AGBL4: variants seen among roughly 807,000 people sequenced by gnomAD.
The protein encoded by AGBL4 is cytosolic carboxypeptidase 6.
In AGBL4, 58 loss-of-function variants were observed where a neutral mutation model predicts 66.4. The ratio of observed to expected loss-of-function variants is 0.87; its 90% CI spans 0.71 to 1.09. The LOEUF (loss-of-function observed/expected upper bound fraction) is 1.09, where lower values mean the gene tolerates loss of function less well. Among genes scored for constraint, AGBL4 ranks in the 50% least tolerant of loss-of-function variants. AGBL4 has a pLI of 0.00. For missense variants in AGBL4, 579 were observed against 631.0 expected, an observed-to-expected ratio of 0.92 and a Z score of 0.88; for synonymous variants, 234 against 222.9, an observed-to-expected ratio of 1.05 and a Z score of -0.44.
intron 1 of AGBL4, among the ~76,000 whole-genome samples, chr1:49,931,658 C>G (rs1370095237): frequency 1.3e-5 from 2 of 152,118 alleles, no homozygotes; most frequent in Admixed American, 6.6e-5. Context: ...GGTGAGGAAA[C>G]AGAGCTAAAC....
chr1:49,717,618 C>T (rs1017602949), intron 2 of AGBL4, among the ~76,000 whole-genome samples: 1 of 151,978 alleles, frequency 6.6e-6, no homozygotes, highest in African/African-American at 2.4e-5. Context: ...CTCACTACAT[C>T]GAAGTATATT....
chr1:49,071,916 A>T (rs1571376588), intron 4 of AGBL4, among the ~76,000 whole-genome samples: 1 of 151,962 alleles, frequency 6.6e-6, no homozygotes. Flanking sequence ...TGCTTTGTGA[A>T]TCTGGGTGGT....
chr1:49,344,830 A>C (rs1645607346), intron 3 of AGBL4, among the ~76,000 whole-genome samples: 2 of 152,156 alleles, frequency 1.3e-5, no homozygotes, highest in South Asian at 4.1e-4. Context: ...ATGATGAAAG[A>C]TTTTTGTTTG....
rs542917117 is a variant in AGBL4 at position 49,969,334 on chromosome 1, C to T, written c.34+54429G>A. Among the ~76,000 whole-genome samples the T allele has an allele frequency of 3.9e-5, 6 of 152,120 alleles. No homozygotes were observed. In the South Asian group the frequency reaches 1.0e-3, roughly 26 times the overall value. Reference sequence around the variant, plus strand: ...CATCACCTCCAAAAGTTTCCTCCTGCCCTCTTTGTGTGTGTATATGTGTGG... The same window carrying T: ...CATCACCTCCAAAAGTTTCCTCCTGTCCTCTTTGTGTGTGTATATGTGTGG... On this transcript the variant is annotated intron_variant, in intron 1 of 13. Coordinates refer to ENST00000371839, the MANE Select transcript of AGBL4 (RefSeq NM_032785.4).
intron 9 of AGBL4, among the ~76,000 whole-genome samples, chr1:48,606,369 G>A (rs956390003): frequency 1.3e-5 from 2 of 152,090 alleles, no homozygotes; most frequent in Non-Finnish European, 2.9e-5. Flanking sequence ...TCTCTTAGTT[G>A]ACTTCATGGC....
chr1:49,231,592 G>C (rs1373033744), intron 4 of AGBL4, among the ~76,000 whole-genome samples: 1 of 152,148 alleles, frequency 6.6e-6, no homozygotes, highest in Non-Finnish European at 1.5e-5. Context: ...TCACCAGCCT[G>C]AATCTGATGC....
At chr1:48,672,402 T>G (rs1570205134) in intron 6 of AGBL4, among the ~76,000 whole-genome samples, 2 of 152,130 alleles carry the variant, frequency 1.3e-5, no homozygotes, top group South Asian at 4.1e-4. Flanking sequence ...GGAGCCAAGA[T>G]AAAAGTCAGT....
intron 3 of AGBL4, among the ~76,000 whole-genome samples, chr1:49,458,714 T>C (rs1358031761): frequency 7.2e-5 from 11 of 151,814 alleles, no homozygotes; most frequent in Non-Finnish European, 1.2e-4. Context: ...CTTATTACCT[T>C]AAGGTATGTC....
At chr1:49,242,915 T>A (rs886211437) in intron 4 of AGBL4, among the ~76,000 whole-genome samples, 2 of 151,662 alleles carry the variant, frequency 1.3e-5, no homozygotes, top group African/African-American at 4.8e-5. Flanking sequence ...CGGTCTATGC[T>A]AAGACTTGAA....
chr1:49,317,972 T>C (rs1429739055), intron 3 of AGBL4, among the ~76,000 whole-genome samples: 2 of 152,052 alleles, frequency 1.3e-5, no homozygotes, highest in Non-Finnish European at 2.9e-5. Flanking sequence ...TGTTTTAAAT[T>C]ATAAAATCAT....
At chr1:48,635,815 C>T (rs575980386) in intron 8 of AGBL4, among the ~76,000 whole-genome samples, 11 of 152,322 alleles carry the variant, frequency 7.2e-5, no homozygotes, top group Non-Finnish European at 1.3e-4. Flanking sequence ...ATTCTCTGTG[C>T]TCTAAACAGA....
In AGBL4 at chr1:49,393,362, C is replaced by CTTGAT. The variant is rs1343310468; in HGVS notation, c.283-147499_283-147498insATCAA. 5.9e-5 allele frequency among the ~76,000 whole-genome samples: 9 copies of CTTGAT among 152,166 alleles called. No individual in the cohort carries two copies. In the East Asian group the frequency reaches 1.7e-3, roughly 29 times the overall value. Reference sequence around the variant, plus strand: ...ATTAAGAAATCAAGGTCTGGAGAGGCTGGAAGATTGTACAATCTGGTGCAA... The same window carrying CTTGAT: ...ATTAAGAAATCAAGGTCTGGAGAGGCTTGATTGGAAGATTGTACAATCTGGTGCAA... On this transcript the variant is annotated intron_variant, in intron 3 of 13. Transcript: ENST00000371839.
At chr1:48,981,426 A>T (rs2148965422) in intron 5 of AGBL4, among the ~76,000 whole-genome samples, 1 of 152,250 alleles carries the variant, frequency 6.6e-6, no homozygotes, top group African/African-American at 2.4e-5. Flanking sequence ...ATTTATCCTC[A>T]TTATGTAGAG....
chr1:49,695,254 T>C (rs1440693541), intron 3 of AGBL4, among the ~76,000 whole-genome samples: 1 of 152,174 alleles, frequency 6.6e-6, no homozygotes, highest in Non-Finnish European at 1.5e-5. Context: ...AGAATTATTG[T>C]TTGTTTTCCA....
intron 5 of AGBL4, among the ~76,000 whole-genome samples, chr1:48,997,498 C>T (rs115753328): frequency 0.012 from 1,754 of 152,146 alleles, 30 homozygotes; most frequent in African/African-American, 0.04. Flanking sequence ...TAGAAAAACA[C>T]GCAGCATACA....
chr1:49,729,189 C>T (rs1327793295), intron 2 of AGBL4, among the ~76,000 whole-genome samples: 1 of 152,204 alleles, frequency 6.6e-6, no homozygotes, highest in Non-Finnish European at 1.5e-5. Flanking sequence ...AAGTGCTCCT[C>T]TGTTTTTGTC....
At chr1:48,967,963 T>G (rs1270268968) in intron 5 of AGBL4, among the ~76,000 whole-genome samples, 1 of 152,156 alleles carries the variant, frequency 6.6e-6, no homozygotes, top group African/African-American at 2.4e-5. Context: ...TGTTGTGCTT[T>G]TGTTATTTGT....
chr1:48,604,130 C>G (rs1401771928), intron 9 of AGBL4, among the ~76,000 whole-genome samples: 1 of 124,542 alleles, frequency 8.0e-6, no homozygotes, highest in South Asian at 2.6e-4. Flanking sequence ...GAGACTTCAT[C>G]TCAAAACAAA....
In AGBL4 at chr1:49,434,668, G is replaced by GGTGGTAGTGGTGGTA. The variant is rs1003214778; in HGVS notation, c.283-188819_283-188805dup. On this transcript the variant is annotated intron_variant, in intron 3 of 13. Coordinates refer to ENST00000371839, the MANE Select transcript of AGBL4 (RefSeq NM_032785.4). ...TGCTATCTGTTCTTGTGGTGGTGGTGGTGGTAGTGGTGGTAGTGGTGGTGG... is the reference window on the plus strand; with the variant it reads ...TGCTATCTGTTCTTGTGGTGGTGGTGGTGGTAGTGGTGGTAGTGGTAGTGGTGGTAGTGGTGGTGG... Among the ~76,000 whole-genome samples the GGTGGTAGTGGTGGTA allele has an allele frequency of 3.2e-4, 48 of 151,732 alleles. 1 individual carries two copies. Among genetic ancestry groups the GGTGGTAGTGGTGGTA allele is most frequent in the African/African-American group, 1.1e-3 (47 of 41,418 alleles).
Sources: gnomAD v4.1 joint callset for allele counts (sites outside exome capture counted in the v4.1 genomes callset) on GRCh38, gnomAD v4.1.1 for gene constraint, MANE v1.5 for transcripts, NCBI Gene and HGNC (gene_info 2026-07-23, HGNC 2026-07-21) for gene names.